Variants in METTL13 observed in about 807,000 individuals in gnomAD.
METTL13 encodes methyltransferase 13, eEF1A N-terminus and K55, also known as eEF1A lysine and N-terminal methyltransferase.
METTL13 carries 52 observed loss-of-function variants against 67.4 expected under a neutral mutation model. The ratio of observed to expected loss-of-function variants is 0.77; its 90% CI spans 0.62 to 0.97. The LOEUF (loss-of-function observed/expected upper bound fraction) is 0.97, where lower values mean the gene tolerates loss of function less well. Ranked by LOEUF, METTL13 falls within the 50% of genes least tolerant of loss-of-function variation. The probability of loss-of-function intolerance (pLI) is 0.00; values close to 1 mark genes in which losing one functional copy is unlikely to be tolerated. For synonymous variants in METTL13, 354 were observed against 353.6 expected (o/e 1.00, Z -0.01); for missense variants, 825 against 889.6 (o/e 0.93, Z 0.92).
intron 1 of METTL13, 135 bp from the exon 2 acceptor site, chr1:171,783,605 G>C: frequency 1.0e-6 from 1 of 998,952 alleles, no homozygotes; most frequent in Non-Finnish European, 1.5e-6. Context: ...CTACAATGTC[G>C]CTCTTTCTCT....
chr1:171,789,817 T>A (rs1657142546), intron 4 of METTL13, among the ~76,000 whole-genome samples: 1 of 147,842 alleles, frequency 6.8e-6, no homozygotes. Flanking sequence ...ATATGTTAAA[T>A]GTTTAATGAC....
intron 7 of METTL13, 142 bp from the exon 8 acceptor site, chr1:171,796,340 T>C (rs1657374632): frequency 1.0e-6 from 1 of 970,012 alleles, no homozygotes. Context: ...ATGCTGTGTA[T>C]TCTCTGCAAA....
chr1:171,787,716 T>C lies in METTL13; in HGVS notation c.1114-19T>C. ...TAAATGAGCTGCTGTTTTGACCACA[T>C]CTCTGGTTGTACCTTCAGGTCCCCT... On this transcript the variant is annotated intron_variant, in intron 3 of 7. Coordinates refer to ENST00000361735, the MANE Select transcript of METTL13 (RefSeq NM_015935.5). 6.2e-7 allele frequency: 1 copy of C among 1,605,826 alleles called. No homozygotes were observed. The highest frequency in any genetic ancestry group is 8.5e-7 in the Non-Finnish European group (1 of 1,173,378).
chr1:171,782,006 C>G lies in METTL13; in HGVS notation c.39C>G (p.Ser13=). The G allele has an allele frequency of 6.2e-7, 1 of 1,614,056 alleles. No homozygotes were observed. Residue 13 remains serine (S), a synonymous_variant, in exon 1 of 8, where the codon TCC becomes TCG. Transcript: ENST00000361735. The part of the protein sequence containing the change: ...LLPKSSREFG[S]VDYWEKFFQQ... ...CTAAAAGTTCCAGGGAGTTTGGCTC[C>G]GTTGACTATTGGGAGAAGTTCTTCC...
chr1:171,793,407 C>T (rs1657269503), intron 6 of METTL13, among the ~76,000 whole-genome samples: 1 of 152,208 alleles, frequency 6.6e-6, no homozygotes, highest in Admixed American at 6.5e-5. Flanking sequence ...TTTTCAATGG[C>T]TCTGCCCATC....
intron 2 of METTL13, 115 bp downstream of exon 2, chr1:171,784,614 T>G: frequency 7.6e-7 from 1 of 1,313,688 alleles, no homozygotes; most frequent in Non-Finnish European, 9.9e-7. Flanking sequence ...CTGGACTGTT[T>G]TTTGTCTTGC....
At chr1:171,791,572 G>A (rs1657206154) in intron 5 of METTL13, among the ~76,000 whole-genome samples, 1 of 151,978 alleles carries the variant, frequency 6.6e-6, no homozygotes, top group Non-Finnish European at 1.5e-5. Context: ...ACCTCCTTAG[G>A]CTCCCACGTC....
At chr1:171,792,949 A>G (rs187447706) in intron 6 of METTL13, among the ~76,000 whole-genome samples, 2 of 152,328 alleles carry the variant, frequency 1.3e-5, no homozygotes, top group Non-Finnish European at 1.5e-5. Flanking sequence ...TGCATCCCAG[A>G]TTTAGGACAA....
In METTL13 at chr1:171,784,448, G is replaced by T. The variant is rs1656940947; in HGVS notation, c.862G>T (p.Asp288Tyr). The T allele has an allele frequency of 6.6e-7, 1 of 1,513,098 alleles. No homozygotes were observed. The highest frequency in any genetic ancestry group is 1.4e-5 in the African/African-American group (1 of 71,628). 93.7% of individuals were successfully genotyped at this position (1,513,098 alleles called of 1,614,324 possible). A position where few individuals can be genotyped will look rare whatever the true frequency, so the allele number is the denominator to read the frequency against. Residue 288 changes from aspartate (D) to tyrosine (Y), a missense_variant, in exon 2 of 8, where the codon GAC (aspartate) becomes TAC (tyrosine). Transcript: ENST00000361735. The part of the protein sequence containing the change: ...GEPRYTLHVV[D>Y]SPTVKPSRDN... Reference sequence around the variant, plus strand: ...GCCACGCTACACCCTCCACGTGGTGGACAGCCCCACTGTGAAACCATCGCG... The same window carrying T: ...GCCACGCTACACCCTCCACGTGGTGTACAGCCCCACTGTGAAACCATCGCG...
intron 6 of METTL13, among the ~76,000 whole-genome samples, 190 bp from the exon 7 acceptor site, chr1:171,794,206 C>A (rs138214464): frequency 6.4e-4 from 97 of 152,342 alleles, no homozygotes; most frequent in African/African-American, 2.2e-3. Context: ...ATGGGACACT[C>A]TGAACCCTGA....
In METTL13 at chr1:171,784,414, C is replaced by T. The variant is rs780483296; in HGVS notation, c.828C>T (p.Asp276=). 1 of 1,542,462 alleles carries T rather than the reference C, an allele frequency of 6.5e-7. No individual in the cohort carries two copies. Among genetic ancestry groups the T allele is most frequent in the Non-Finnish European group, 8.7e-7 (1 of 1,146,358 alleles). The change falls in exon 2 of 8, where the codon GAC becomes GAT. Residue 276 remains aspartate (D), a synonymous_variant. Coordinates refer to ENST00000361735, the MANE Select transcript of METTL13 (RefSeq NM_015935.5). ...GSVSLDLCDG[D]TGEPRYTLHV... ...TGTCTCTGGACTTGTGCGATGGGGACACGGGGGAGCCACGCTACACCCTCC... is the reference window on the plus strand; with the variant it reads ...TGTCTCTGGACTTGTGCGATGGGGATACGGGGGAGCCACGCTACACCCTCC...
At chr1:171,792,277 T>C in intron 6 of METTL13, 42 bp downstream of exon 6, 1 of 1,607,688 alleles carries the variant, frequency 6.2e-7, no homozygotes, top group Non-Finnish European at 8.5e-7. Flanking sequence ...GAGGGATGAT[T>C]GATGCGACAT....
chr1:171,782,325 C>G (rs891952770), intron 1 of METTL13, among the ~76,000 whole-genome samples: 14 of 152,076 alleles, frequency 9.2e-5, no homozygotes, highest in African/African-American at 3.1e-4. Flanking sequence ...AATCCGAACA[C>G]TTTGGGAGAC....
intron 1 of METTL13, among the ~76,000 whole-genome samples, chr1:171,783,236 A>T (rs1294358238): frequency 1.3e-5 from 2 of 152,202 alleles, no homozygotes; most frequent in Non-Finnish European, 1.5e-5. Context: ...GGGAGACAAC[A>T]ATCTGAATTT....
At position 171,783,826 on chromosome 1, in the gene METTL13, T is replaced by G; in HGVS notation, c.240T>G (p.Ser80Arg). ...GGGATATAGTGAACATCGACATCAGTGAGGTTGTCATCAAGCAAATGAAGG... is the reference window on the plus strand; with the variant it reads ...GGGATATAGTGAACATCGACATCAGGGAGGTTGTCATCAAGCAAATGAAGG... ...GYRDIVNIDI[S>R]EVVIKQMKEC... The change falls in exon 2 of 8, where the codon AGT becomes AGG. Residue 80 changes from serine to arginine, a missense_variant. Transcript: ENST00000361735. 6.2e-7 allele frequency: 1 copy of G among 1,614,110 alleles called. No homozygotes were observed. Among genetic ancestry groups the G allele is most frequent in the Non-Finnish European group, 8.5e-7 (1 of 1,180,018 alleles).
In METTL13 at chr1:171,784,289, C is replaced by T. The variant is rs535480986; in HGVS notation, c.703C>T (p.Arg235Trp). Residue 235 changes from arginine to tryptophan, a missense_variant, in exon 2 of 8, where the codon CGG (arginine) becomes TGG (tryptophan). Arg to Trp is a moderately radical substitution (Grantham distance 101, BLOSUM62 -3). Coordinates refer to ENST00000361735, the MANE Select transcript of METTL13 (RefSeq NM_015935.5). ...TGCTCAGGAGCAGCGCAAGCCTGTG[C>T]GGCTGGAGAGTGCCGAGCGGCTGGC... ...LCAQEQRKPV[R>W]LESAERLAEA... 73 of 1,612,184 alleles carry T rather than the reference C, an allele frequency of 4.5e-5. No homozygotes were observed. In the South Asian group the frequency reaches 5.4e-4, roughly 12 times the overall value.
rs201975819 is a variant in METTL13 at position 171,784,002 on chromosome 1, T to A, written c.416T>A (p.Val139Glu). ...GAGGAAGAGAAGACCTTACAACAGGTGGACAGGATGCTGGCTGAGGTTGGC... is the reference window on the plus strand; with the variant it reads ...GAGGAAGAGAAGACCTTACAACAGGAGGACAGGATGCTGGCTGAGGTTGGC... ...TDEEEKTLQQ[V>E]DRMLAEVGRV... Residue 139 changes from valine to glutamate, a missense_variant, in exon 2 of 8, where the codon GTG becomes GAG. Val to Glu is a moderately radical substitution (Grantham distance 121, BLOSUM62 -2). Transcript: ENST00000361735. 2.5e-5 allele frequency: 41 copies of A among 1,614,044 alleles called. No homozygotes were observed. The highest frequency in any genetic ancestry group is 3.1e-5 in the Non-Finnish European group (37 of 1,180,030).
chr1:171,791,996 T>C, intron 5 of METTL13, 21 bp from the exon 6 acceptor site: 1 of 1,611,720 alleles, frequency 6.2e-7, no homozygotes, highest in Non-Finnish European at 8.5e-7. Flanking sequence ...GGCAATGTGA[T>C]GCTCTATTCT....
intron 3 of METTL13, among the ~76,000 whole-genome samples, chr1:171,787,237 T>C (rs991537854): frequency 6.6e-6 from 1 of 152,076 alleles, no homozygotes; most frequent in East Asian, 1.9e-4. Flanking sequence ...AGGGGGAAAG[T>C]ATATTTTTCT....
Sources: gnomAD v4.1 joint callset for allele counts (sites outside exome capture counted in the v4.1 genomes callset) on GRCh38, gnomAD v4.1.1 for gene constraint, MANE v1.5 for transcripts, NCBI Gene and HGNC (gene_info 2026-07-23, HGNC 2026-07-21) for gene names.